ATRNL1: variants seen among roughly 807,000 people sequenced by gnomAD.
ATRNL1 encodes the protein attractin like 1.
In ATRNL1, 95 loss-of-function variants were observed where a neutral mutation model predicts 182.7. The ratio of observed to expected loss-of-function variants is 0.52; its 90% CI spans 0.44 to 0.62. The LOEUF (loss-of-function observed/expected upper bound fraction) is 0.62, where lower values mean the gene tolerates loss of function less well. ATRNL1 is among the 20% of genes least tolerant of loss of function. The pLI is 0.00. For missense variants in ATRNL1, 1,471 were observed against 1,679.5 expected (o/e 0.88, Z 2.17); for synonymous variants, 576 against 568.3 (o/e 1.01, Z -0.19).
chr10:115,241,274 C>T (rs1554902787), intron 9 of ATRNL1, among the ~76,000 whole-genome samples: 1 of 151,450 alleles, frequency 6.6e-6, no homozygotes, highest in African/African-American at 2.4e-5. Flanking sequence ...TTTAAGATGG[C>T]TTGTTTCCTA....
chr10:115,665,410 C>T (rs1555039393), intron 26 of ATRNL1, among the ~76,000 whole-genome samples: 1 of 152,080 alleles, frequency 6.6e-6, no homozygotes, highest in Non-Finnish European at 1.5e-5. Context: ...TCGTGACTTT[C>T]AGTCAGTACT....
chr10:115,336,953 C>G (rs1482109922), intron 19 of ATRNL1, among the ~76,000 whole-genome samples: 3 of 144,834 alleles, frequency 2.1e-5, no homozygotes, highest in African/African-American at 7.7e-5. Context: ...TCAAGCAATT[C>G]TCCTGCCTCA....
intron 10 of ATRNL1, 74 bp from the exon 11 acceptor site, chr10:115,265,119 A>G (rs1851553301): frequency 2.0e-6 from 2 of 986,830 alleles, no homozygotes; most frequent in African/African-American, 3.3e-5. Flanking sequence ...AATTCGGCCA[A>G]TGATGTTTTC....
chr10:115,646,789 C>A (rs184909207), intron 26 of ATRNL1, among the ~76,000 whole-genome samples: 1 of 151,734 alleles, frequency 6.6e-6, no homozygotes, highest in Admixed American at 6.6e-5. Context: ...CACTAAATAG[C>A]ATGTATGAAT....
At position 115,093,820 on chromosome 10, in the gene ATRNL1, C is replaced by T; in HGVS notation, c.70C>T (p.Pro24Ser). The T allele has an allele frequency of 4.7e-6, 7 of 1,498,404 alleles. No individual in the cohort carries two copies. Among genetic ancestry groups the T allele is most frequent in the Non-Finnish European group, 6.2e-6 (7 of 1,125,690 alleles). The allele number at this position is 1,498,404 out of a possible 1,614,324, so 92.8% of individuals were successfully genotyped here. The change falls in exon 1 of 29, where the codon CCG (proline) becomes TCG (serine). Residue 24 changes from proline (P) to serine (S), a missense_variant. By Grantham distance (74) the Pro-to-Ser change is moderately conservative. Around this residue, in one of 3 missense-constraint regions of ATRNL1, gnomAD observed 1,031 missense variants for 1,156.0 expected, o/e 0.89. Coordinates refer to ENST00000355044, the MANE Select transcript of ATRNL1 (RefSeq NM_207303.4). The surrounding 1 kb of genome is among the most constrained non-coding windows in gnomAD (Gnocchi z 6.1). ...PAAPGVWRAR[P>S]AGGGGGGASS... The stretch of plus-strand genomic sequence containing the variant: ...GGCCCCGGGGGTGTGGAGGGCTCGG[C>T]CGGCGGGCGGCGGCGGCGGGGGCGC...
chr10:115,874,343 T>C (rs1053105919), intron 28 of ATRNL1, among the ~76,000 whole-genome samples: 4 of 152,326 alleles, frequency 2.6e-5, no homozygotes, highest in African/African-American at 9.6e-5. Context: ...CCAATACTAA[T>C]TGAAGGAGAT....
chr10:115,439,772 A>T (rs1330572796), intron 21 of ATRNL1, among the ~76,000 whole-genome samples: 1 of 151,898 alleles, frequency 6.6e-6, no homozygotes, highest in Non-Finnish European at 1.5e-5. Flanking sequence ...GTAGTAGGAG[A>T]TGTGATGATG....
At chr10:115,694,172 G>GCACA (rs71010040) in intron 26 of ATRNL1, among the ~76,000 whole-genome samples, 4,165 of 146,858 alleles carry the variant, frequency 0.028, 62 homozygotes, top group South Asian at 0.041. Context: ...CTACACAGAC[G>GCACA]CACACACACA....
At chr10:115,170,915 A>G (rs1367010754) in intron 7 of ATRNL1, 122 bp from the exon 8 acceptor site, 1 of 496,834 alleles carries the variant, frequency 2.0e-6, no homozygotes, top group Non-Finnish European at 3.2e-6. Context: ...AATGAGAACA[A>G]TGCCTTATGC....
At chr10:115,467,308 T>C in intron 23 of ATRNL1, 56 bp downstream of exon 23, 2 of 1,194,396 alleles carry the variant, frequency 1.7e-6, no homozygotes, top group East Asian at 5.0e-5. Flanking sequence ...TGGAAGTTGT[T>C]CTAACATGAT....
chr10:115,210,553 A>G (rs782114635), intron 8 of ATRNL1, among the ~76,000 whole-genome samples: 3 of 151,976 alleles, frequency 2.0e-5, no homozygotes, highest in African/African-American at 7.2e-5. Context: ...AGAATGTTTT[A>G]TATATGGATC....
intron 10 of ATRNL1, among the ~76,000 whole-genome samples, chr10:115,247,166 A>T (rs188618460): frequency 6.6e-6 from 1 of 152,218 alleles, no homozygotes; most frequent in South Asian, 2.1e-4. Flanking sequence ...AAATGGGATC[A>T]TATAAAATAA....
chr10:115,765,181 T>C (rs2134154350), intron 27 of ATRNL1, among the ~76,000 whole-genome samples: 1 of 152,248 alleles, frequency 6.6e-6, no homozygotes, highest in South Asian at 2.1e-4. Context: ...CTCCTTTGGG[T>C]AGGTATCAGG....
intron 27 of ATRNL1, among the ~76,000 whole-genome samples, chr10:115,794,928 G>A (rs1555082541): frequency 1.3e-5 from 2 of 151,982 alleles, no homozygotes; most frequent in Admixed American, 6.5e-5. Flanking sequence ...ATAATAATCT[G>A]TTACTATCAT....
At chr10:115,518,813 C>T (rs1317497759) in intron 24 of ATRNL1, among the ~76,000 whole-genome samples, 2 of 151,830 alleles carry the variant, frequency 1.3e-5, no homozygotes, top group African/African-American at 4.8e-5. Flanking sequence ...TTCTTATTAA[C>T]ATTAACAAGT....
intron 1 of ATRNL1, among the ~76,000 whole-genome samples, chr10:115,117,972 A>G (rs1006131701): frequency 1.3e-5 from 2 of 152,178 alleles, no homozygotes; most frequent in East Asian, 3.9e-4. Context: ...GCACCTTTTC[A>G]TGTACGTATT....
chr10:115,254,644 G>C (rs1247118551), intron 10 of ATRNL1, among the ~76,000 whole-genome samples: 1 of 152,170 alleles, frequency 6.6e-6, no homozygotes, highest in South Asian at 2.1e-4. Flanking sequence ...AGTTTAATTA[G>C]ATTCCATTTG....
At chr10:115,516,890 A>G (rs1316561646) in intron 24 of ATRNL1, among the ~76,000 whole-genome samples, 2 of 151,852 alleles carry the variant, frequency 1.3e-5, no homozygotes, top group Non-Finnish European at 2.9e-5. Flanking sequence ...AAATCCTCCT[A>G]GCTCATATCA....
intron 26 of ATRNL1, among the ~76,000 whole-genome samples, chr10:115,659,480 C>G (rs1860539130): frequency 6.6e-6 from 1 of 151,950 alleles, no homozygotes; most frequent in Non-Finnish European, 1.5e-5. Context: ...CTCCTGGGCC[C>G]ACAAGGAAAA....
Sources: allele counts gnomAD v4.1 joint callset (sites outside exome capture counted in the v4.1 genomes callset), GRCh38; gene constraint gnomAD v4.1.1; regional missense constraint gnomAD v4.1.1; non-coding constraint Gnocchi (gnomAD v3.1); transcripts MANE v1.5; gene names NCBI Gene and HGNC (gene_info 2026-07-23, HGNC 2026-07-21).